ACMSD: variants seen among roughly 807,000 people sequenced by gnomAD.
The protein encoded by ACMSD is aminocarboxymuconate semialdehyde decarboxylase, also known as 2-amino-3-carboxymuconate-6-semialdehyde decarboxylase.
ACMSD carries 37 observed loss-of-function variants against 45.9 expected under a neutral mutation model. The ratio of observed to expected loss-of-function variants is 0.81; its 90% confidence interval spans 0.62 to 1.06. The LOEUF (loss-of-function observed/expected upper bound fraction) is 1.06, where lower values mean the gene tolerates loss of function less well. Ranked by LOEUF, ACMSD falls within the 50% of genes least tolerant of loss-of-function variation. The pLI is 0.00. For missense variants in ACMSD, 434 were observed against 420.9 expected (o/e 1.03, Z -0.27); for synonymous variants, 138 against 148.8 (o/e 0.93, Z 0.53).
intron 2 of ACMSD, 31 bp downstream of exon 2, chr2:134,845,308 A>C (rs771573645): frequency 6.2e-7 from 1 of 1,613,914 alleles, no homozygotes; most frequent in South Asian, 1.1e-5. Context: ...GAACATCAGT[A>C]GCACTCAGGG....
intron 8 of ACMSD, among the ~76,000 whole-genome samples, chr2:134,893,473 C>A (rs1225797815): frequency 1.3e-5 from 2 of 152,134 alleles, no homozygotes; most frequent in Non-Finnish European, 2.9e-5. Context: ...CAGGTTTGAA[C>A]CACTGTGCTG....
intron 3 of ACMSD, 57 bp from the exon 4 acceptor site, chr2:134,861,912 A>T: frequency 6.3e-7 from 1 of 1,599,088 alleles, no homozygotes; most frequent in Non-Finnish European, 8.6e-7. Flanking sequence ...TGGGAAAGGA[A>T]GGAGTGCCCA....
intron 8 of ACMSD, among the ~76,000 whole-genome samples, chr2:134,886,246 A>ATTTTTTTTTTTTTTTTTTTTTTT: frequency 8.7e-6 from 1 of 115,476 alleles, no homozygotes; most frequent in Non-Finnish European, 1.8e-5. Context: ...TATTATTATT[A>ATTTTTTTTTTTTTTTTTTTTTTT]TTTTTTTTTT....
intron 8 of ACMSD, among the ~76,000 whole-genome samples, chr2:134,884,593 T>C (rs1689220065): frequency 6.6e-6 from 1 of 152,118 alleles, no homozygotes; most frequent in Non-Finnish European, 1.5e-5. Flanking sequence ...GAACTTCCAG[T>C]GAATACCAAG....
At chr2:134,883,438 T>G (rs1194575605) in intron 8 of ACMSD, among the ~76,000 whole-genome samples, 1 of 152,220 alleles carries the variant, frequency 6.6e-6, no homozygotes, top group African/African-American at 2.4e-5. Flanking sequence ...GGATTCCTCA[T>G]GTAATTCATT....
chr2:134,843,109 T>C (rs1686881081), intron 1 of ACMSD, among the ~76,000 whole-genome samples: 2 of 152,270 alleles, frequency 1.3e-5, no homozygotes, highest in South Asian at 4.1e-4. Context: ...CACTCTAAAG[T>C]GTAACTGATT....
chr2:134,890,433 T>A (rs1036593118), intron 8 of ACMSD, among the ~76,000 whole-genome samples: 1 of 151,958 alleles, frequency 6.6e-6, no homozygotes, highest in Non-Finnish European at 1.5e-5. Flanking sequence ...TAAGGGAAAC[T>A]TCAGAGACAT....
intron 2 of ACMSD, among the ~76,000 whole-genome samples, chr2:134,854,852 C>T (rs6430547): frequency 0.45 from 68,708 of 151,972 alleles, 16,154 homozygotes; most frequent in Middle Eastern, 0.81. Context: ...TCAGAGGGCC[C>T]GTAACTTCAC....
Position 134,852,185 on chromosome 2 carries a change from C to T in ACMSD, c.102+6908C>T, listed in dbSNP as rs1045991040. Among the ~76,000 whole-genome samples the T allele has an allele frequency of 2.6e-5, 4 of 152,150 alleles. No homozygotes were observed. The East Asian group carries it at 7.7e-4, about 29-fold the overall frequency. ...GTTACTTAGATCATGCGGGGTCTTA[C>T]AGGCCAGGTTAAGGAGTCTGGATTT... is the stretch of plus-strand genomic sequence containing the variant. On this transcript the variant is annotated intron_variant, in intron 2 of 9. Transcript: ENST00000356140.
intron 8 of ACMSD, among the ~76,000 whole-genome samples, chr2:134,878,426 A>G (rs1196328467): frequency 6.6e-6 from 1 of 152,152 alleles, no homozygotes; most frequent in Non-Finnish European, 1.5e-5. Flanking sequence ...CCCCAGACTC[A>G]AGGGATCCTC....
intron 2 of ACMSD, among the ~76,000 whole-genome samples, chr2:134,848,597 T>C (rs1241537573): frequency 6.6e-6 from 1 of 152,224 alleles, no homozygotes; most frequent in East Asian, 1.9e-4. Context: ...TGTCTGTTCA[T>C]ATCCTTCGCC....
At chr2:134,895,338 A>AAT (rs1553517012) in intron 8 of ACMSD, among the ~76,000 whole-genome samples, 3 of 145,428 alleles carry the variant, frequency 2.1e-5, no homozygotes, top group South Asian at 2.1e-4. Flanking sequence ...TTATATATAT[A>AAT]ATATATATAT....
intron 2 of ACMSD, among the ~76,000 whole-genome samples, chr2:134,857,510 T>C (rs1687637844): frequency 6.6e-6 from 1 of 152,122 alleles, no homozygotes; most frequent in South Asian, 2.1e-4. Context: ...ACAGAAATGC[T>C]ATGGGCTTTT....
intron 2 of ACMSD, chr2:134,857,830 T>C (rs1031241138): frequency 1.3e-5 from 2 of 150,008 alleles, no homozygotes; most frequent in African/African-American, 2.4e-5. Context: ...TTGCCATACA[T>C]AGACTTTATT....
At chr2:134,897,684 A>C (rs757566202) in intron 8 of ACMSD, among the ~76,000 whole-genome samples, 1 of 152,148 alleles carries the variant, frequency 6.6e-6, no homozygotes, top group Non-Finnish European at 1.5e-5. Context: ...ACAAGGGTAC[A>C]TCTAAATTCT....
Position 134,861,444 on chromosome 2 carries a change from A to G in ACMSD, c.200-525A>G, listed in dbSNP as rs139308605. ...TTTACTTTGTGCCAGGCACTATTCT[A>G]AGAACCTAACATGTATTAACTCATT... is the stretch of plus-strand genomic sequence containing the variant. On this transcript the variant is annotated intron_variant, in intron 3 of 9. Transcript: ENST00000356140. Among the ~76,000 whole-genome samples, 729 of 152,278 alleles carry G rather than the reference A, an allele frequency of 4.8e-3. 5 individuals are homozygous for G. Among genetic ancestry groups the G allele is most frequent in the African/African-American group, 0.017 (697 of 41,540 alleles).
At chr2:134,843,979 C>A (rs78286796) in intron 1 of ACMSD, among the ~76,000 whole-genome samples, 1 of 152,170 alleles carries the variant, frequency 6.6e-6, no homozygotes, top group African/African-American at 2.4e-5. Context: ...CCTTGCCTAC[C>A]CCAGCCTTAA....
Position 134,845,262 on chromosome 2 carries a change from CCAA to C in ACMSD, c.90_92del (p.Gln30del). On this transcript the variant is annotated inframe_deletion, in exon 2 of 10. Coordinates refer to ENST00000356140, the MANE Select transcript of ACMSD (RefSeq NM_138326.3). The stretch of plus-strand genomic sequence containing the variant: ...TTGGCTACGGAGGCTGGGTGCAGCT[CCAA>C]CACCACAGCAAGGTGAGTTTCTTCC... 1 of 1,614,070 alleles carries C rather than the reference CCAA, an allele frequency of 6.2e-7. No individual in the cohort carries two copies. Among genetic ancestry groups the C allele is most frequent in the Non-Finnish European group, 8.5e-7 (1 of 1,179,990 alleles).
At chr2:134,838,826 A>C in intron 1 of ACMSD, 87 bp downstream of exon 1, 2 of 1,054,736 alleles carry the variant, frequency 1.9e-6, no homozygotes, top group South Asian at 2.9e-5. Context: ...TTAGATGTCT[A>C]GTTTATCTGC....
Sources: gnomAD v4.1 joint callset for allele counts (sites outside exome capture counted in the v4.1 genomes callset) on GRCh38, gnomAD v4.1.1 for gene constraint, MANE v1.5 for transcripts, NCBI Gene and HGNC (gene_info 2026-07-23, HGNC 2026-07-21) for gene names.